RP1: variants seen among roughly 807,000 people sequenced by gnomAD.
RP1 encodes the protein RP1 axonemal microtubule associated.
In RP1, 16 loss-of-function variants were observed where a neutral mutation model predicts 14.8. The observed-to-expected ratio is 1.08, with a 90% CI of 0.73 to 1.65. RP1 has a LOEUF of 1.65. RP1 is among the 40% of genes most tolerant of loss of function. The probability of loss-of-function intolerance (pLI) is 0.00; values close to 1 mark genes in which losing one functional copy is unlikely to be tolerated. For missense variants in RP1, 2,631 were observed against 2,535.0 expected (o/e 1.04, Z -0.81); for synonymous variants, 876 against 883.6 (o/e 0.99, Z 0.15).
At chr8:54,668,074 A>G (rs1254602924) in intron 7 of RP1, among the ~76,000 whole-genome samples, 1 of 152,196 alleles carries the variant, frequency 6.6e-6, no homozygotes, top group African/African-American at 2.4e-5. Flanking sequence ...ATGAACATCA[A>G]TGCAAAAATC....
chr8:54,740,672 AG>A (rs953796949), intron 19 of RP1, among the ~76,000 whole-genome samples: 39 of 152,010 alleles, frequency 2.6e-4, no homozygotes, highest in African/African-American at 6.3e-4. Flanking sequence ...CAGTGAGCCA[AG>A]ATCACACCAC....
chr8:54,846,467 A>G (rs1811923170), intron 25 of RP1, among the ~76,000 whole-genome samples: 1 of 152,234 alleles, frequency 6.6e-6, no homozygotes, highest in Admixed American at 6.5e-5. Flanking sequence ...TGATTGTGGT[A>G]GTAGTTCCAA....
chr8:54,626,049 G>A lies in RP1; in HGVS notation c.2167G>A (p.Gly723Arg). 6.2e-7 allele frequency: 1 copy of A among 1,613,874 alleles called. No homozygotes were observed. Among genetic ancestry groups the A allele is most frequent in the Non-Finnish European group, 8.5e-7 (1 of 1,179,904 alleles). The change falls in exon 4 of 4, where the codon GGA becomes AGA. Residue 723 changes from glycine to arginine, a missense_variant. Transcript: ENST00000220676. ...GCAAGATTCAGATAGTCCCCTTAAA[G>A]GAGGGATACTTTGTGAGGAAGACCT... ...IVQDSDSPLK[G>R]GILCEEDLQK...
At chr8:54,659,461 T>G (rs993155599) in intron 6 of RP1, among the ~76,000 whole-genome samples, 1 of 152,190 alleles carries the variant, frequency 6.6e-6, no homozygotes, top group African/African-American at 2.4e-5. Flanking sequence ...GATATCCAGT[T>G]TAGTCAACAC....
intron 7 of RP1, among the ~76,000 whole-genome samples, chr8:54,664,539 T>C (rs1234924182): frequency 6.6e-6 from 1 of 152,156 alleles, no homozygotes; most frequent in African/African-American, 2.4e-5. Flanking sequence ...AGTTTTGCCA[T>C]CTCCTTGCCA....
chr8:54,760,470 C>T (rs1175394115), intron 22 of RP1, among the ~76,000 whole-genome samples: 3 of 152,086 alleles, frequency 2.0e-5, no homozygotes, highest in Non-Finnish European at 4.4e-5. Flanking sequence ...TATTGTATAG[C>T]TTTGCCTGAA....
At chr8:54,583,847 T>A (rs1474687990) in intron 1 of RP1, among the ~76,000 whole-genome samples, 1 of 152,168 alleles carries the variant, frequency 6.6e-6, no homozygotes, top group Admixed American at 6.5e-5. Flanking sequence ...GGTGGTGATA[T>A]CCCCTTTATC....
rs147557879 is a variant in RP1 at position 54,833,211 on chromosome 8, A to G, written c.3616-4239A>G. On this transcript the variant is annotated intron_variant, in intron 24 of 28. Transcript: ENST00000637698. Reference sequence around the variant, plus strand: ...AATTAGTTCCAAGTTCATTCTGCCCATTCTTCAGAAGATTAGACTGTGTGT... The same window carrying G: ...AATTAGTTCCAAGTTCATTCTGCCCGTTCTTCAGAAGATTAGACTGTGTGT... Among the ~76,000 whole-genome samples, 498 of 152,020 alleles carry G rather than the reference A, an allele frequency of 3.3e-3. 2 individuals are homozygous for G. The highest frequency in any genetic ancestry group is 0.01 in the African/African-American group (436 of 41,534).
intron 1 of RP1, among the ~76,000 whole-genome samples, chr8:54,563,183 C>G (rs772387968): frequency 9.2e-5 from 14 of 152,244 alleles, no homozygotes; most frequent in Admixed American, 6.5e-5. Context: ...GCTTCCTGGT[C>G]TCAGGCTCCA....
intron 9 of RP1, among the ~76,000 whole-genome samples, chr8:54,678,804 A>T (rs140097129): frequency 5.1e-4 from 77 of 152,330 alleles, no homozygotes; most frequent in African/African-American, 1.8e-3. Context: ...ATCAGAAAGA[A>T]AAATGAAAGT....
chr8:54,869,985 C>G, exon 29 of RP1: 2 of 893,080 alleles, frequency 2.2e-6, no homozygotes, highest in Non-Finnish European at 2.9e-6. Flanking sequence ...CTTCAAAAGG[C>G]TATTGATCTG....
At chr8:54,622,624 A>G (rs1805912409) in intron 3 of RP1, among the ~76,000 whole-genome samples, 1 of 152,174 alleles carries the variant, frequency 6.6e-6, no homozygotes, top group South Asian at 2.1e-4. Context: ...GTAGTTGCGG[A>G]GTTTTCTCTA....
intron 21 of RP1, chr8:54,755,838 A>G: frequency 7.3e-7 from 1 of 1,360,780 alleles, no homozygotes; most frequent in Non-Finnish European, 9.6e-7. Flanking sequence ...TATGATTTAA[A>G]ATTTAAAAGG....
intron 19 of RP1, among the ~76,000 whole-genome samples, chr8:54,741,464 A>G (rs1363398824): frequency 6.6e-6 from 1 of 151,972 alleles, no homozygotes; most frequent in Non-Finnish European, 1.5e-5. Flanking sequence ...CCTGTAGTAC[A>G]GTAACATGCT....
intron 24 of RP1, among the ~76,000 whole-genome samples, chr8:54,818,636 G>A (rs1811188435): frequency 6.6e-6 from 1 of 152,180 alleles, no homozygotes; most frequent in Admixed American, 6.5e-5. Flanking sequence ...GGCAGGAAGG[G>A]GTGTCAGAGT....
intron 27 of RP1, among the ~76,000 whole-genome samples, chr8:54,860,632 G>A (rs76226415): frequency 0.037 from 5,594 of 152,266 alleles, 125 homozygotes; most frequent in African/African-American, 0.052. Flanking sequence ...CAGGGGTCCC[G>A]ATTCCAGAGG....
At chr8:54,561,914 A>G (rs2129290090) in intron 1 of RP1, 1 of 152,378 alleles carries the variant, frequency 6.6e-6, no homozygotes, top group Admixed American at 6.5e-5. Context: ...ATAGTAAAAC[A>G]GAAATGAAAA....
At position 54,848,795 on chromosome 8, in the gene RP1, C is replaced by G. The variant is rs200054955; in HGVS notation, c.3836-3779C>G. ...ATGGAGTATCACTCTGTTGCCCAGG[C>G]TAGAGTGCAGTGGCACGATCTCGGC... On this transcript the variant is annotated intron_variant, in intron 25 of 28. Coordinates refer to the RP1 transcript ENST00000637698. Among the ~76,000 whole-genome samples, 29 of 152,272 alleles carry G rather than the reference C, an allele frequency of 1.9e-4. 2 individuals are homozygous for G. The East Asian group carries it at 5.2e-3, about 27-fold the overall frequency.
At chr8:54,736,311 C>G (rs535722467) in intron 18 of RP1, among the ~76,000 whole-genome samples, 9 of 152,192 alleles carry the variant, frequency 5.9e-5, no homozygotes, top group African/African-American at 2.2e-4. Context: ...AAAAAGGAAT[C>G]CTATTGACAT....
Sources: allele counts gnomAD v4.1 joint callset (sites outside exome capture counted in the v4.1 genomes callset), GRCh38; gene constraint gnomAD v4.1.1; transcripts MANE v1.5; gene names NCBI Gene and HGNC (gene_info 2026-07-23, HGNC 2026-07-21).